Variants in MYEF2 observed in about 807,000 individuals in gnomAD.
MYEF2 encodes myelin gene expression factor 2.
In MYEF2, 37 loss-of-function variants were observed where a neutral mutation model predicts 75.2. The observed-to-expected ratio is 0.49, with a 90% CI of 0.38 to 0.65. The LOEUF is 0.65. MYEF2 is among the 30% of genes least tolerant of loss of function. The probability of loss-of-function intolerance (pLI) is 0.00; values close to 1 mark genes in which losing one functional copy is unlikely to be tolerated. For missense variants in MYEF2, 634 were observed against 771.4 expected (o/e 0.82, Z 2.11); for synonymous variants, 195 against 241.6 (o/e 0.81, Z 1.79).
Position 48,142,000 on chromosome 15 carries a change from C to A in MYEF2, c.*908G>T. The A allele has an allele frequency of 2.0e-6, 3 of 1,510,998 alleles. No individual in the cohort carries two copies. Among genetic ancestry groups the A allele is most frequent in the South Asian group, 1.2e-5 (1 of 82,740 alleles). The allele number at this position is 1,510,998 out of a possible 1,614,324, so 93.6% of individuals were successfully genotyped here. ...TAATAAAACACAGTATTGGTAAGCA[C>A]ATTTTAACAGTATGCTTTTCTTTTG... On this transcript the variant is annotated 3_prime_UTR_variant, in exon 17 of 17. Transcript: ENST00000324324.
intron 5 of MYEF2, among the ~76,000 whole-genome samples, chr15:48,161,909 C>T (rs2039956003): frequency 6.8e-6 from 1 of 147,788 alleles, no homozygotes; most frequent in African/African-American, 2.5e-5. Context: ...CTAATTTAAT[C>T]CTCAAAATAA....
At chr15:48,150,521 C>T (rs1257751422) in intron 14 of MYEF2, among the ~76,000 whole-genome samples, 2 of 151,918 alleles carry the variant, frequency 1.3e-5, no homozygotes, top group African/African-American at 4.8e-5. Context: ...TGTATTCAGG[C>T]TTAATATAAG....
intron 9 of MYEF2, among the ~76,000 whole-genome samples, chr15:48,154,650 T>G (rs2039619201): frequency 6.6e-6 from 1 of 152,100 alleles, no homozygotes; most frequent in Non-Finnish European, 1.5e-5. Flanking sequence ...TTATCAATCT[T>G]TATACAAGTT....
At chr15:48,160,077 A>G (rs2039877758) in intron 5 of MYEF2, among the ~76,000 whole-genome samples, 2 of 152,074 alleles carry the variant, frequency 1.3e-5, no homozygotes, top group African/African-American at 4.8e-5. Context: ...CTCTCACACT[A>G]GGGTACATGC....
At chr15:48,156,410 G>C (rs1258301458) in intron 9 of MYEF2, among the ~76,000 whole-genome samples, 1 of 151,180 alleles carries the variant, frequency 6.6e-6, no homozygotes, top group Non-Finnish European at 1.5e-5. Context: ...CAGAAACATA[G>C]ATGTAGCAAA....
chr15:48,158,103 A>C lies in MYEF2; in HGVS notation c.922-47T>G, dbSNP rs1167107236. On this transcript the variant is annotated intron_variant, in intron 8 of 16. Coordinates refer to ENST00000324324, the MANE Select transcript of MYEF2 (RefSeq NM_016132.5). The stretch of plus-strand genomic sequence containing the variant: ...ATATGGTTAACATATTACCACAAAG[A>C]ACTGTAATGTAGAAGAGAGCCAATA... The C allele has an allele frequency of 3.1e-6, 5 of 1,611,136 alleles. No homozygotes were observed. In the South Asian group the frequency reaches 5.5e-5, roughly 18 times the overall value.
At position 48,151,583 on chromosome 15, in the gene MYEF2, G is replaced by A. The variant is rs758096761; in HGVS notation, c.1208-12C>T. 8.8e-6 allele frequency: 14 copies of A among 1,595,072 alleles called. No homozygotes were observed. Among genetic ancestry groups the A allele is most frequent in the Non-Finnish European group, 1.2e-5 (14 of 1,173,244 alleles). On this transcript the variant is annotated splice_polypyrimidine_tract_variant and intron_variant, in intron 12 of 16. Coordinates refer to ENST00000324324, the MANE Select transcript of MYEF2 (RefSeq NM_016132.5). ...ACCACGGTACAGCTCTGAAAAAATT[G>A]TGCAACAAATTAACCTTTTCAAATA...
Position 48,178,273 on chromosome 15 carries a change from T to C in MYEF2, c.-36A>G. The C allele has an allele frequency of 7.3e-7, 1 of 1,368,392 alleles. No individual in the cohort carries two copies. The highest frequency in any genetic ancestry group is 9.4e-7 in the Non-Finnish European group (1 of 1,064,954). The allele number at this position is 1,368,392 out of a possible 1,614,324, so 84.8% of individuals were successfully genotyped here. ...CTGCCTCCGCCTCGGCCGCCTGAGC[T>C]GAGGGGCTCCGAGCGCGACAATGGC... is the stretch of plus-strand genomic sequence containing the variant. On this transcript the variant is annotated 5_prime_UTR_variant, in exon 1 of 17. Coordinates refer to ENST00000324324, the MANE Select transcript of MYEF2 (RefSeq NM_016132.5).
Position 48,135,048 on chromosome 15 carries a change from ATTTT to A in MYEF2, c.*7856_*7859del, listed in dbSNP as rs1274142347. 47 of 1,305,830 alleles carry A rather than the reference ATTTT, an allele frequency of 3.6e-5. No individual in the cohort carries two copies. Among genetic ancestry groups the A allele is most frequent in the Non-Finnish European group, 5.0e-5 (46 of 913,586 alleles). 80.9% of individuals were successfully genotyped at this position (1,305,830 alleles called of 1,614,324 possible). The stretch of plus-strand genomic sequence containing the variant: ...TTTATGAATTTCTGATGGTTCAGTA[ATTTT>A]TTTTCAGAAATGTTATTTCAGTCAC... On this transcript the variant is annotated 3_prime_UTR_variant, in exon 17 of 17. Transcript: ENST00000324324.
chr15:48,166,891 T>C (rs1017999680), intron 3 of MYEF2, among the ~76,000 whole-genome samples: 2 of 152,048 alleles, frequency 1.3e-5, no homozygotes, highest in Non-Finnish European at 2.9e-5. Flanking sequence ...ATGTCATTCA[T>C]ACCAATTGGT....
In MYEF2 at chr15:48,137,350, T is replaced by G. The variant is rs2038926560; in HGVS notation, c.*5558A>C. 3 of 165,780 alleles carry G rather than the reference T, an allele frequency of 1.8e-5. No individual in the cohort carries two copies. The Admixed American group carries it at 1.8e-4, about 10-fold the overall frequency. The allele number at this position is 165,780 out of a possible 1,614,324, so 10.3% of individuals were successfully genotyped here. On this transcript the variant is annotated 3_prime_UTR_variant, in exon 17 of 17. Coordinates refer to ENST00000324324, the MANE Select transcript of MYEF2 (RefSeq NM_016132.5). ...TAAGTAGCAGCTACTGAGGTCTTCA[T>G]TCCATAAATGATGCAGAGATAAAAC...
At chr15:48,166,921 T>C (rs1376977761) in intron 3 of MYEF2, among the ~76,000 whole-genome samples, 1 of 152,084 alleles carries the variant, frequency 6.6e-6, no homozygotes, top group Non-Finnish European at 1.5e-5. Context: ...GCCTCTCATG[T>C]AGTCCTGCAG....
intron 16 of MYEF2, 145 bp from the exon 17 acceptor site, chr15:48,143,216 T>TTA: frequency 4.5e-6 from 2 of 446,406 alleles, no homozygotes; most frequent in Non-Finnish European, 7.3e-6. Flanking sequence ...AAGCATTATA[T>TTA]TTGGACTAAA....
At chr15:48,156,243 A>C (rs2140869228) in intron 9 of MYEF2, among the ~76,000 whole-genome samples, 1 of 152,166 alleles carries the variant, frequency 6.6e-6, no homozygotes, top group Non-Finnish European at 1.5e-5. Context: ...AACACACTAA[A>C]CCCCAATAAA....
At chr15:48,176,219 TAAAAA>T (rs1023560411) in intron 1 of MYEF2, among the ~76,000 whole-genome samples, 3 of 63,100 alleles carry the variant, frequency 4.8e-5, no homozygotes, top group South Asian at 4.9e-4. Context: ...GTTCACGAAG[TAAAAA>T]AAAAAAAAAA....
chr15:48,139,524 A>T lies in MYEF2; in HGVS notation c.*3384T>A, dbSNP rs1361495121. On this transcript the variant is annotated 3_prime_UTR_variant, in exon 17 of 17. Coordinates refer to ENST00000324324, the MANE Select transcript of MYEF2 (RefSeq NM_016132.5). ...TATATTGAATTCCATTCCATAATAA[A>T]AAAAAAAAAGAACAAAAAAACAAAA... 1.9e-5 allele frequency: 3 copies of T among 160,888 alleles called. No individual in the cohort carries two copies. The highest frequency in any genetic ancestry group is 1.7e-4 in the East Asian group (1 of 5,748). 10.0% of individuals were successfully genotyped at this position (160,888 alleles called of 1,614,324 possible). A position where few individuals can be genotyped will look rare whatever the true frequency, so the allele number is the denominator to read the frequency against.
In MYEF2 at chr15:48,142,341, G is replaced by A; in HGVS notation, c.*567C>T. ...ATTGGAAATAATAAAATAAGGGGCT[G>A]TGGAGGTTGATATTATTAATAGTGT... On this transcript the variant is annotated 3_prime_UTR_variant, in exon 17 of 17. Transcript: ENST00000324324. 6.3e-7 allele frequency: 1 copy of A among 1,593,972 alleles called. No homozygotes were observed. The highest frequency in any genetic ancestry group is 1.4e-5 in the African/African-American group (1 of 73,934).
intron 1 of MYEF2, 69 bp downstream of exon 1, chr15:48,178,008 C>G: frequency 6.5e-7 from 1 of 1,529,172 alleles, no homozygotes; most frequent in South Asian, 1.2e-5. Flanking sequence ...GGGCACAGCC[C>G]GGCCTCTAGC....
chr15:48,157,681 G>GT (rs2039754935), intron 9 of MYEF2: 1 of 895,758 alleles, frequency 1.1e-6, no homozygotes, highest in East Asian at 7.7e-5. Context: ...ACACAAAAAT[G>GT]TTATAATGAG....
Sources: allele counts gnomAD v4.1 joint callset (sites outside exome capture counted in the v4.1 genomes callset), GRCh38; gene constraint gnomAD v4.1.1; transcripts MANE v1.5; gene names NCBI Gene and HGNC (gene_info 2026-07-23, HGNC 2026-07-21).